The following FRAS1 variants were observed in gnomAD, a reference collection of about 807,000 sequenced individuals.
The protein encoded by FRAS1 is extracellular matrix organizing protein FRAS1.
FRAS1 carries 290 observed loss-of-function variants against 435.2 expected under a neutral mutation model. The ratio of observed to expected loss-of-function variants is 0.67; its 90% confidence interval spans 0.61 to 0.73. The LOEUF (loss-of-function observed/expected upper bound fraction) is 0.73, where lower values mean the gene tolerates loss of function less well. FRAS1 is among the 30% of genes least tolerant of loss of function. FRAS1 has a pLI of 0.00. For missense variants in FRAS1, 4,860 were observed against 5,001.5 expected (o/e 0.97, Z 0.85); for synonymous variants, 1,800 against 1,851.0 (o/e 0.97, Z 0.71).
intron 23 of FRAS1, among the ~76,000 whole-genome samples, chr4:78,371,318 T>G (rs1416554896): frequency 3.3e-5 from 5 of 152,172 alleles, no homozygotes; most frequent in Non-Finnish European, 7.3e-5. Context: ...CTGATTTCTT[T>G]GGGACTTAGA....
chr4:78,270,572 A>T (rs1432714744), intron 9 of FRAS1, among the ~76,000 whole-genome samples: 1 of 16,260 alleles, frequency 6.2e-5, no homozygotes, highest in Non-Finnish European at 1.4e-4. Flanking sequence ...CCACCACCCC[A>T]GCCACTTTCT....
chr4:78,265,474 C>G (rs1175950581), intron 7 of FRAS1, among the ~76,000 whole-genome samples: 2 of 152,174 alleles, frequency 1.3e-5, no homozygotes, highest in South Asian at 2.1e-4. Flanking sequence ...GCATTGACAT[C>G]TGGAGACCGT....
intron 15 of FRAS1, among the ~76,000 whole-genome samples, chr4:78,309,603 G>T (rs1406216088): frequency 6.6e-6 from 1 of 152,160 alleles, no homozygotes; most frequent in Non-Finnish European, 1.5e-5. Flanking sequence ...GGCCTTAACT[G>T]CCTGTGAACC....
chr4:78,232,378 C>T (rs549118686), intron 2 of FRAS1, among the ~76,000 whole-genome samples: 25 of 152,032 alleles, frequency 1.6e-4, no homozygotes, highest in South Asian at 8.3e-4. Flanking sequence ...CTCCGCCTCC[C>T]GGGTTCATGC....
intron 32 of FRAS1, among the ~76,000 whole-genome samples, chr4:78,415,353 C>A (rs1190981928): frequency 1.3e-5 from 2 of 151,768 alleles, no homozygotes; most frequent in Non-Finnish European, 2.9e-5. Flanking sequence ...CTGTTCCCCC[C>A]AAAAATCTAT....
At chr4:78,159,754 G>A (rs749800588) in intron 2 of FRAS1, among the ~76,000 whole-genome samples, 2 of 152,108 alleles carry the variant, frequency 1.3e-5, no homozygotes, top group African/African-American at 2.4e-5. Flanking sequence ...GGTGGTATGT[G>A]CCTATAATCC....
At position 78,489,033 on chromosome 4, in the gene FRAS1, A is replaced by G; in HGVS notation, c.8911A>G (p.Arg2971Gly). 1 of 1,613,636 alleles carries G rather than the reference A, an allele frequency of 6.2e-7. No individual in the cohort carries two copies. Among genetic ancestry groups the G allele is most frequent in the Non-Finnish European group, 8.5e-7 (1 of 1,179,702 alleles). ...TCAGGTCATGGAGGACTTTGAGGAG[A>G]GACAAAATGCAGACTCTTCACGGAT... Reference protein sequence around the residue: ...SAQVMEDFEERQNADSSRITF... With the variant: ...SAQVMEDFEEGQNADSSRITF... The change falls in exon 59 of 74, where the codon AGA (arginine) becomes GGA (glycine). Residue 2971 changes from arginine to glycine, a missense_variant. Physicochemically the swap from Arg to Gly is moderately radical, Grantham distance 125 (BLOSUM62 -2). Coordinates refer to ENST00000512123, the MANE Select transcript of FRAS1 (RefSeq NM_025074.7).
intron 6 of FRAS1, among the ~76,000 whole-genome samples, chr4:78,261,130 G>A (rs1726079465): frequency 6.6e-6 from 1 of 151,564 alleles, no homozygotes; most frequent in South Asian, 2.1e-4. Flanking sequence ...ATTTTCTTAA[G>A]TTTATATCTA....
At chr4:78,322,620 C>T (rs1729555018) in intron 18 of FRAS1, among the ~76,000 whole-genome samples, 2 of 152,052 alleles carry the variant, frequency 1.3e-5, no homozygotes, top group South Asian at 2.1e-4. Context: ...CAGCAGTTAT[C>T]GTAACAGTTT....
intron 59 of FRAS1, among the ~76,000 whole-genome samples, chr4:78,492,285 G>GA (rs1265580194): frequency 7.2e-5 from 11 of 152,092 alleles, no homozygotes; most frequent in African/African-American, 2.2e-4. Context: ...CACAGAATTA[G>GA]AAAAAACTAC....
rs78630423 is a variant in FRAS1 at position 78,319,617 on chromosome 4, A to T, written c.2137+631A>T. On this transcript the variant is annotated intron_variant, in intron 18 of 73. Coordinates refer to ENST00000512123, the MANE Select transcript of FRAS1 (RefSeq NM_025074.7). ...TTAGTTTGTATTTTTCATTGTAAAC[A>T]TATGTTCATTAAAAAAATTTTATAA... 199 of 292,370 alleles carry T rather than the reference A, an allele frequency of 6.8e-4. 1 individual carries two copies. The highest frequency in any genetic ancestry group is 1.1e-3 in the Non-Finnish European group (157 of 144,740). 18.1% of individuals were successfully genotyped at this position (292,370 alleles called of 1,614,324 possible). A position where few individuals can be genotyped will look rare whatever the true frequency, so the allele number is the denominator to read the frequency against.
chr4:78,077,946 G>GA (rs1486675113), intron 2 of FRAS1, among the ~76,000 whole-genome samples: 1 of 149,874 alleles, frequency 6.7e-6, no homozygotes, highest in African/African-American at 2.4e-5. Context: ...AGAATGGGAA[G>GA]AAAACTCCAT....
intron 67 of FRAS1, 54 bp from the exon 68 acceptor site, chr4:78,521,469 T>C (rs1721383611): frequency 8.3e-7 from 1 of 1,209,470 alleles, no homozygotes; most frequent in South Asian, 1.3e-5. Context: ...ATGTGGTTGC[T>C]GTCAGGGAGG....
chr4:78,449,111 C>G (rs1718942331), intron 44 of FRAS1, among the ~76,000 whole-genome samples: 1 of 152,142 alleles, frequency 6.6e-6, no homozygotes. Context: ...TTCATGGATG[C>G]TGGTAGAAGA....
intron 18 of FRAS1, among the ~76,000 whole-genome samples, chr4:78,329,631 C>T (rs1211995502): frequency 6.6e-6 from 1 of 152,204 alleles, no homozygotes; most frequent in Non-Finnish European, 1.5e-5. Flanking sequence ...GGTAGTGAGT[C>T]TCGAGTACCA....
chr4:78,115,754 A>G (rs1344990694), intron 2 of FRAS1, among the ~76,000 whole-genome samples: 1 of 151,716 alleles, frequency 6.6e-6, no homozygotes, highest in Non-Finnish European at 1.5e-5. Context: ...TGGTCTATCA[A>G]TTTTGTTGAT....
intron 2 of FRAS1, among the ~76,000 whole-genome samples, chr4:78,219,209 A>G (rs1374835490): frequency 6.6e-6 from 1 of 152,200 alleles, no homozygotes; most frequent in Non-Finnish European, 1.5e-5. Context: ...TACATCTATT[A>G]TCAGACTGAA....
chr4:78,344,977 T>G (rs1730551942), intron 20 of FRAS1, among the ~76,000 whole-genome samples: 1 of 152,206 alleles, frequency 6.6e-6, no homozygotes, highest in South Asian at 2.1e-4. Context: ...TATTTCCATA[T>G]GTTGGCAAAT....
At chr4:78,297,127 A>G (rs543863282) in intron 14 of FRAS1, among the ~76,000 whole-genome samples, 1 of 152,348 alleles carries the variant, frequency 6.6e-6, no homozygotes, top group South Asian at 2.1e-4. Flanking sequence ...CACAAACTGG[A>G]TAATAACAGA....
Sources: allele counts gnomAD v4.1 joint callset (sites outside exome capture counted in the v4.1 genomes callset), GRCh38; gene constraint gnomAD v4.1.1; transcripts MANE v1.5; gene names NCBI Gene and HGNC (gene_info 2026-07-23, HGNC 2026-07-21).